The following CTDSPL variants were observed in gnomAD, a reference collection of about 807,000 sequenced individuals.
CTDSPL encodes the protein CTD small phosphatase-like protein.
In CTDSPL, 8 loss-of-function variants were observed where a neutral mutation model predicts 30.5. The observed-to-expected ratio is 0.26, with a 90% CI of 0.15 to 0.47. The LOEUF is 0.47. Ranked by LOEUF, CTDSPL falls within the 20% of genes least tolerant of loss-of-function variation. CTDSPL has a pLI of 0.99. For missense variants in CTDSPL, 248 were observed against 366.1 expected (o/e 0.68, Z 2.63); for synonymous variants, 110 against 137.9 (o/e 0.80, Z 1.42).
intron 1 of CTDSPL, among the ~76,000 whole-genome samples, chr3:37,923,022 A>G (rs1039484587): frequency 2.0e-5 from 3 of 152,212 alleles, no homozygotes; most frequent in Non-Finnish European, 4.4e-5. Context: ...ACAAGAACCC[A>G]GTCTGAGCCA....
At chr3:37,913,913 T>C (rs765376839) in intron 1 of CTDSPL, among the ~76,000 whole-genome samples, 72 of 152,226 alleles carry the variant, frequency 4.7e-4, no homozygotes, top group Non-Finnish European at 5.1e-4. Context: ...GTCTTTTGCA[T>C]TTCCATGTAG....
chr3:37,942,334 A>G (rs779013799), intron 1 of CTDSPL, among the ~76,000 whole-genome samples: 1 of 150,444 alleles, frequency 6.6e-6, no homozygotes, highest in African/African-American at 2.4e-5. Context: ...TTATGAGACT[A>G]TAATAATAAA....
intron 2 of CTDSPL, among the ~76,000 whole-genome samples, chr3:37,953,996 GT>G (rs1262295494): frequency 2.6e-5 from 4 of 152,186 alleles, no homozygotes; most frequent in Admixed American, 6.5e-5. Flanking sequence ...GATTTCTCAT[GT>G]TTATGAGAAA....
intron 1 of CTDSPL, among the ~76,000 whole-genome samples, chr3:37,887,660 G>C (rs1698278255): frequency 6.6e-6 from 1 of 152,224 alleles, no homozygotes; most frequent in Admixed American, 6.5e-5. Flanking sequence ...TTGGCGCATA[G>C]TAAGTGTTCA....
intron 1 of CTDSPL, among the ~76,000 whole-genome samples, chr3:37,936,916 C>CTTAGTTCT (rs1425314480): frequency 6.6e-6 from 1 of 152,146 alleles, no homozygotes; most frequent in Non-Finnish European, 1.5e-5. Context: ...GGATTACCTT[C>CTTAGTTCT]TTAGTTCTGC....
At chr3:37,947,274 C>G (rs1314959668) in intron 2 of CTDSPL, 63 bp downstream of exon 2, 1 of 1,550,510 alleles carries the variant, frequency 6.4e-7, no homozygotes, top group African/African-American at 1.4e-5. Context: ...CTGTCCCATC[C>G]TTGATGAATA....
At position 37,975,037 on chromosome 3, in the gene CTDSPL, AAAGG is replaced by A. The variant is rs1699409712; in HGVS notation, c.520-668_520-665del. On this transcript the variant is annotated intron_variant, in intron 6 of 7. Transcript: ENST00000273179. This position sits in a 1 kb window ranked among gnomAD's most constrained non-coding sequence, Gnocchi z 4.9. ...CCACTCTGTGAGGGAAACAACCCAG[AAAGG>A]AAGATAGATGTGGCTCTAGGTGGAT... Among the ~76,000 whole-genome samples, 1 of 152,222 alleles carries A rather than the reference AAAGG, an allele frequency of 6.6e-6. No individual in the cohort carries two copies. Among genetic ancestry groups the A allele is most frequent in the Non-Finnish European group, 1.5e-5 (1 of 68,042 alleles).
intron 2 of CTDSPL, chr3:37,954,770 C>A (rs1244097443): frequency 6.6e-6 from 1 of 152,294 alleles, no homozygotes; most frequent in African/African-American, 2.4e-5. Flanking sequence ...AGACCAGAAG[C>A]CTCCAGGGGC....
At chr3:37,961,317 A>G (rs1008110719) in intron 3 of CTDSPL, among the ~76,000 whole-genome samples, 11 of 152,164 alleles carry the variant, frequency 7.2e-5, no homozygotes, top group Non-Finnish European at 1.2e-4. Context: ...AACGTCGGGT[A>G]TTGAAGTATT....
chr3:37,879,868 A>G (rs1451995309), intron 1 of CTDSPL, among the ~76,000 whole-genome samples: 3 of 152,016 alleles, frequency 2.0e-5, no homozygotes, highest in Non-Finnish European at 2.9e-5. Context: ...TTATGTATAC[A>G]TATATAGTAC....
At chr3:37,962,635 C>G (rs1699256069) in intron 3 of CTDSPL, among the ~76,000 whole-genome samples, 1 of 152,140 alleles carries the variant, frequency 6.6e-6, no homozygotes, top group Non-Finnish European at 1.5e-5. Context: ...TTGATGTTTT[C>G]AGAGATGCTA....
At chr3:37,948,965 C>T (rs1271809572) in intron 2 of CTDSPL, among the ~76,000 whole-genome samples, 1 of 151,184 alleles carries the variant, frequency 6.6e-6, no homozygotes. Context: ...GGACTACAGG[C>T]GCCCGCCACC....
chr3:37,916,625 C>T (rs6778445), intron 1 of CTDSPL, among the ~76,000 whole-genome samples: 37,288 of 152,004 alleles, frequency 0.25, 6,320 homozygotes, highest in African/African-American at 0.48. Context: ...TGGCAAACAC[C>T]AGAGACCGGG....
chr3:37,873,814 A>G (rs141522198), intron 1 of CTDSPL, among the ~76,000 whole-genome samples: 33 of 152,370 alleles, frequency 2.2e-4, no homozygotes, highest in Admixed American at 1.4e-3. Flanking sequence ...TCACTGTGAA[A>G]TCAAGTCTAG....
intron 1 of CTDSPL, among the ~76,000 whole-genome samples, chr3:37,872,671 T>C (rs1008090104): frequency 1.1e-4 from 17 of 148,610 alleles, no homozygotes; most frequent in South Asian, 6.6e-4. Flanking sequence ...ACCTCCCAGA[T>C]TCAAGTGATT....
intron 1 of CTDSPL, among the ~76,000 whole-genome samples, chr3:37,928,261 G>A (rs1698808256): frequency 6.6e-6 from 1 of 152,212 alleles, no homozygotes; most frequent in Non-Finnish European, 1.5e-5. Flanking sequence ...GGAATTGCTG[G>A]ATTACATGGT....
chr3:37,927,680 ATGTG>A (rs1304302514), intron 1 of CTDSPL, among the ~76,000 whole-genome samples: 4,412 of 79,180 alleles, frequency 0.056, 232 homozygotes, highest in African/African-American at 0.14. Context: ...GTGTGTGTGT[ATGTG>A]TATATATATA....
chr3:37,947,459 C>G (rs903806517), intron 2 of CTDSPL, among the ~76,000 whole-genome samples: 2 of 152,106 alleles, frequency 1.3e-5, no homozygotes, highest in Non-Finnish European at 2.9e-5. Context: ...ACTAGGGAGG[C>G]TGAGGCAGGA....
chr3:37,930,747 T>C (rs1698843191), intron 1 of CTDSPL, among the ~76,000 whole-genome samples: 1 of 152,246 alleles, frequency 6.6e-6, no homozygotes, highest in Non-Finnish European at 1.5e-5. Context: ...CTTAGGTCCA[T>C]TTGGTCTATA....
Sources: gnomAD v4.1 joint callset for allele counts (sites outside exome capture counted in the v4.1 genomes callset) on GRCh38, gnomAD v4.1.1 for gene constraint, Gnocchi (gnomAD v3.1) non-coding constraint, MANE v1.5 for transcripts, NCBI Gene and HGNC (gene_info 2026-07-23, HGNC 2026-07-21) for gene names.